Variants in CEP85L observed in about 807,000 individuals in gnomAD.
The protein encoded by CEP85L is centrosomal protein 85L.
In CEP85L, 60 loss-of-function variants were observed where a neutral mutation model predicts 100.3. The observed-to-expected ratio is 0.60, with a 90% CI of 0.49 to 0.74. The LOEUF is 0.74. Among genes scored for constraint, CEP85L ranks in the 30% least tolerant of loss-of-function variants. CEP85L has a pLI of 0.00. For missense variants in CEP85L, 973 were observed against 936.2 expected (o/e 1.04, Z -0.51); for synonymous variants, 319 against 322.7 (o/e 0.99, Z 0.12).
intron 1 of CEP85L, among the ~76,000 whole-genome samples, chr6:118,680,783 T>G (rs7764388): frequency 0.71 from 107,418 of 151,810 alleles, 38,750 homozygotes; most frequent in Non-Finnish European, 0.76. Context: ...AGGCTGAGGT[T>G]GGGGATCACT....
chr6:118,558,846 A>C, intron 3 of CEP85L: 158 of 901,386 alleles, frequency 1.8e-4, no homozygotes, highest in Middle Eastern at 4.3e-4. Context: ...GAAGACAGTT[A>C]TCTCATATTT....
At position 118,506,173 on chromosome 6, in the gene CEP85L, A is replaced by G. The variant is rs535110658; in HGVS notation, c.1257+5125T>C. On this transcript the variant is annotated intron_variant, in intron 5 of 12. Transcript: ENST00000368491. Reference sequence around the variant, plus strand: ...GGGCGTATGGAACGAATAGGATTAAAAACACTCAATTCAAACTGATGCAAT... The same window carrying G: ...GGGCGTATGGAACGAATAGGATTAAGAACACTCAATTCAAACTGATGCAAT... Among the ~76,000 whole-genome samples, 11 of 152,362 alleles carry G rather than the reference A, an allele frequency of 7.2e-5. No homozygotes were observed. In the South Asian group the frequency reaches 2.1e-3, roughly 29 times the overall value.
At position 118,687,129 on chromosome 6, in the gene CEP85L, CA is replaced by C. The variant is rs1403882716; in HGVS notation, c.-28+22906del. The stretch of plus-strand genomic sequence containing the variant: ...ACTTTTCCCTAATATTCATTTGACT[CA>C]ATCCTTCTCATCCAGGTCTCCCCTC... On this transcript the variant is annotated intron_variant, in intron 1 of 13. Coordinates refer to the CEP85L transcript ENST00000368488. 3.3e-4 allele frequency among the ~76,000 whole-genome samples: 51 copies of C among 152,326 alleles called. 1 individual carries two copies. Among genetic ancestry groups the C allele is most frequent in the South Asian group, 1.7e-3 (8 of 4,826 alleles).
intron 4 of CEP85L, among the ~76,000 whole-genome samples, chr6:118,522,874 C>CAAA (rs11291728): frequency 7.4e-6 from 1 of 134,852 alleles, no homozygotes. Context: ...CTGAGACTCC[C>CAAA]AAAAAAAAAA....
intron 2 of CEP85L, among the ~76,000 whole-genome samples, chr6:118,596,499 A>T (rs981986075): frequency 6.6e-6 from 1 of 152,182 alleles, no homozygotes; most frequent in South Asian, 2.1e-4. Flanking sequence ...CATAAATTAA[A>T]AATCATGAAA....
chr6:118,540,612 CTG>C (rs1777853909), intron 3 of CEP85L, among the ~76,000 whole-genome samples: 1 of 151,952 alleles, frequency 6.6e-6, no homozygotes, highest in Non-Finnish European at 1.5e-5. Flanking sequence ...CAAAAATTAG[CTG>C]GGTGTGGTGA....
At chr6:118,520,718 C>G (rs1341994309) in intron 4 of CEP85L, among the ~76,000 whole-genome samples, 1 of 152,214 alleles carries the variant, frequency 6.6e-6, no homozygotes, top group Non-Finnish European at 1.5e-5. Flanking sequence ...CCAGTAACCA[C>G]TATCCCAAAC....
chr6:118,673,900 C>A (rs1776393051), intron 1 of CEP85L, among the ~76,000 whole-genome samples: 1 of 152,046 alleles, frequency 6.6e-6, no homozygotes, highest in East Asian at 1.9e-4. Flanking sequence ...CAAAATAAAA[C>A]AAAAATCTTT....
chr6:118,623,022 G>A (rs977351224), intron 2 of CEP85L, among the ~76,000 whole-genome samples: 3 of 152,172 alleles, frequency 2.0e-5, no homozygotes, highest in East Asian at 1.9e-4. Flanking sequence ...GGTGGTTAGC[G>A]ACAGAAGAGG....
chr6:118,478,879 C>T (rs1461315954), intron 10 of CEP85L, among the ~76,000 whole-genome samples: 6 of 152,052 alleles, frequency 3.9e-5, no homozygotes. Context: ...ATACTGAACA[C>T]CTATAATGTG....
chr6:118,512,628 G>C (rs1331063329), intron 4 of CEP85L, among the ~76,000 whole-genome samples: 1 of 152,050 alleles, frequency 6.6e-6, no homozygotes, highest in Non-Finnish European at 1.5e-5. Flanking sequence ...ACCCTCAATA[G>C]TGAATTATCT....
intron 1 of CEP85L, among the ~76,000 whole-genome samples, chr6:118,649,318 T>G (rs1256688251): frequency 6.6e-6 from 1 of 152,224 alleles, no homozygotes; most frequent in East Asian, 1.9e-4. Flanking sequence ...ACAGCTATAC[T>G]GTCCAAATTT....
chr6:118,542,362 A>G (rs1302664664), intron 3 of CEP85L, among the ~76,000 whole-genome samples: 2 of 152,148 alleles, frequency 1.3e-5, no homozygotes, highest in African/African-American at 4.8e-5. Context: ...TACCTAATAG[A>G]GTGCCTGACA....
chr6:118,659,025 A>G (rs929279860), intron 1 of CEP85L, among the ~76,000 whole-genome samples: 4 of 152,176 alleles, frequency 2.6e-5, no homozygotes, highest in African/African-American at 9.7e-5. Flanking sequence ...AAAATCTTAC[A>G]GACTTTTTTT....
At chr6:118,701,313 C>T (rs1373607331) in intron 1 of CEP85L, among the ~76,000 whole-genome samples, 1 of 152,166 alleles carries the variant, frequency 6.6e-6, no homozygotes, top group Non-Finnish European at 1.5e-5. Flanking sequence ...GCCAAAAAAA[C>T]ACATGCACTC....
intron 2 of CEP85L, among the ~76,000 whole-genome samples, chr6:118,572,203 C>T (rs10447434): frequency 3.4e-5 from 5 of 147,498 alleles, no homozygotes; most frequent in Non-Finnish European, 7.4e-5. Flanking sequence ...TCCCTTCCTG[C>T]TAACGCCATG....
chr6:118,709,411 T>C (rs895886685), intron 1 of CEP85L, among the ~76,000 whole-genome samples: 1 of 152,096 alleles, frequency 6.6e-6, no homozygotes, highest in Non-Finnish European at 1.5e-5. Context: ...TGCTGGCATT[T>C]CTCAGCGCAT....
intron 3 of CEP85L, among the ~76,000 whole-genome samples, chr6:118,558,621 GCACATA>G (rs1367693024): frequency 3.1e-3 from 185 of 60,044 alleles, no homozygotes; most frequent in African/African-American, 9.1e-3. Context: ...AGAAACACGT[GCACATA>G]CACACACACA....
intron 1 of CEP85L, among the ~76,000 whole-genome samples, chr6:118,687,504 G>A (rs1776874167): frequency 6.6e-6 from 1 of 152,188 alleles, no homozygotes; most frequent in African/African-American, 2.4e-5. Flanking sequence ...CAATCAGATA[G>A]TAAGGAGAGC....
Sources: allele counts gnomAD v4.1 joint callset (sites outside exome capture counted in the v4.1 genomes callset), GRCh38; gene constraint gnomAD v4.1.1; transcripts MANE v1.5; gene names NCBI Gene and HGNC (gene_info 2026-07-23, HGNC 2026-07-21).